The following MARCHF11 variants were observed in gnomAD, a reference collection of about 807,000 sequenced individuals.
The protein encoded by MARCHF11 is E3 ubiquitin-protein ligase MARCHF11.
A neutral mutation model predicts 37.3 loss-of-function variants in MARCHF11; 29 were observed. The ratio of observed to expected loss-of-function variants is 0.78; its 90% confidence interval spans 0.58 to 1.06. The LOEUF is 1.06. MARCHF11 is among the 50% of genes least tolerant of loss of function. The probability of loss-of-function intolerance (pLI) is 0.00; values close to 1 mark genes in which losing one functional copy is unlikely to be tolerated. For synonymous variants in MARCHF11, 233 were observed against 228.0 expected, an observed-to-expected ratio of 1.02 and a Z score of -0.20; for missense variants, 482 against 533.4, an observed-to-expected ratio of 0.90 and a Z score of 0.95.
At chr5:16,101,832 A>C (rs148743755) in intron 2 of MARCHF11, among the ~76,000 whole-genome samples, 8 of 152,334 alleles carry the variant, frequency 5.3e-5, no homozygotes, top group Non-Finnish European at 8.8e-5. Context: ...GAAATATTTC[A>C]GTTCATGTAG....
chr5:16,160,341 T>A (rs376996924), intron 2 of MARCHF11, among the ~76,000 whole-genome samples: 4,065 of 144,204 alleles, frequency 0.028, 82 homozygotes, highest in Middle Eastern at 0.073. Context: ...TTTAATATAT[T>A]AATTATATAT....
At chr5:16,107,643 A>T (rs1737065640) in intron 2 of MARCHF11, among the ~76,000 whole-genome samples, 1 of 152,096 alleles carries the variant, frequency 6.6e-6, no homozygotes, top group Non-Finnish European at 1.5e-5. Context: ...CTAAGTGACA[A>T]CAGGCATTCT....
At chr5:16,097,999 A>C (rs2126561484) in intron 2 of MARCHF11, among the ~76,000 whole-genome samples, 1 of 152,336 alleles carries the variant, frequency 6.6e-6, no homozygotes. Flanking sequence ...AGCATGAGTG[A>C]GTGAGGTTCA....
intron 2 of MARCHF11, 89 bp from the exon 3 acceptor site, chr5:16,091,170 A>G: frequency 1.9e-6 from 2 of 1,066,366 alleles, no homozygotes; most frequent in Non-Finnish European, 2.6e-6. Context: ...TTCTTTTCAT[A>G]ATGTTAGACC....
chr5:16,082,789 G>C (rs932988742), intron 3 of MARCHF11, among the ~76,000 whole-genome samples: 2 of 152,118 alleles, frequency 1.3e-5, no homozygotes, highest in African/African-American at 4.8e-5. Context: ...TTCTTCACGT[G>C]CCCCATGATT....
At chr5:16,125,840 C>T (rs1737396779) in intron 2 of MARCHF11, among the ~76,000 whole-genome samples, 1 of 152,162 alleles carries the variant, frequency 6.6e-6, no homozygotes, top group South Asian at 2.1e-4. Flanking sequence ...GTTAACTTGA[C>T]ACACACCAGT....
At chr5:16,098,939 A>C (rs183782942) in intron 2 of MARCHF11, among the ~76,000 whole-genome samples, 6 of 152,308 alleles carry the variant, frequency 3.9e-5, no homozygotes, top group African/African-American at 1.4e-4. Flanking sequence ...TTGTTAGATA[A>C]AATTCAAAAA....
chr5:16,079,591 T>C (rs575575079), intron 3 of MARCHF11, among the ~76,000 whole-genome samples: 1 of 152,334 alleles, frequency 6.6e-6, no homozygotes, highest in East Asian at 1.9e-4. Flanking sequence ...GTGGATCTTG[T>C]GGCCTTGCTC....
intron 2 of MARCHF11, among the ~76,000 whole-genome samples, chr5:16,128,155 AC>A (rs1210920165): frequency 9.2e-5 from 14 of 152,042 alleles, no homozygotes; most frequent in African/African-American, 3.4e-4. Context: ...GATGCAGGCT[AC>A]CTGTATTTTT....
At chr5:16,132,987 T>G (rs1034502452) in intron 2 of MARCHF11, among the ~76,000 whole-genome samples, 3 of 152,212 alleles carry the variant, frequency 2.0e-5, no homozygotes, top group African/African-American at 7.2e-5. Context: ...CTTCATGTAC[T>G]TAATCAGAGT....
intron 2 of MARCHF11, among the ~76,000 whole-genome samples, chr5:16,162,269 A>C (rs1230987189): frequency 6.6e-6 from 1 of 151,886 alleles, no homozygotes; most frequent in Non-Finnish European, 1.5e-5. Context: ...CCAACATCTC[A>C]CTAGAACATG....
intron 3 of MARCHF11, among the ~76,000 whole-genome samples, chr5:16,083,972 T>C (rs532096202): frequency 5.9e-5 from 9 of 152,328 alleles, no homozygotes; most frequent in East Asian, 1.9e-4. Context: ...TTGATTATCC[T>C]GAATTTCGTT....
chr5:16,076,793 G>T (rs1736525091), intron 3 of MARCHF11, among the ~76,000 whole-genome samples: 1 of 152,206 alleles, frequency 6.6e-6, no homozygotes, highest in Non-Finnish European at 1.5e-5. Context: ...CCAGACACAG[G>T]ATGCCCGTGT....
rs1456678007 is a variant in MARCHF11, at chr5:16,090,953, C to T, written c.822G>A (p.Gln274=). The change falls in exon 3 of 4, where the codon CAG becomes CAA. Residue 274 remains glutamine (Q), a synonymous_variant. Coordinates refer to ENST00000332432, the MANE Select transcript of MARCHF11 (RefSeq NM_001102562.3). ...WSAFSPYAVW[Q]RKDILFQICY... is the part of the protein sequence containing the mutation. The stretch of plus-strand genomic sequence containing the variant: ...AGATCTGAAAAAGGATGTCCTTCCT[C>T]TGCCACACTGCATAGGGGCTGAAGG... The T allele has an allele frequency of 6.2e-7, 1 of 1,611,946 alleles. No individual in the cohort carries two copies. Among genetic ancestry groups the T allele is most frequent in the South Asian group, 1.1e-5 (1 of 90,878 alleles).
At chr5:16,128,143 C>G (rs1481055367) in intron 2 of MARCHF11, among the ~76,000 whole-genome samples, 1 of 152,130 alleles carries the variant, frequency 6.6e-6, no homozygotes, top group African/African-American at 2.4e-5. Context: ...CCTATCAGGG[C>G]TGATGCAGGC....
chr5:16,155,238 T>C (rs2126600668), intron 2 of MARCHF11, among the ~76,000 whole-genome samples: 1 of 151,978 alleles, frequency 6.6e-6, no homozygotes, highest in Non-Finnish European at 1.5e-5. Context: ...GGAAAAGAAA[T>C]GCTATAAACA....
intron 3 of MARCHF11, among the ~76,000 whole-genome samples, chr5:16,070,885 A>G (rs1736424683): frequency 6.6e-6 from 1 of 152,142 alleles, no homozygotes; most frequent in Non-Finnish European, 1.5e-5. Flanking sequence ...GCAAGCTCAG[A>G]TTTTACTGAA....
At chr5:16,126,975 C>T (rs1019530572) in intron 2 of MARCHF11, among the ~76,000 whole-genome samples, 4 of 152,128 alleles carry the variant, frequency 2.6e-5, no homozygotes, top group African/African-American at 9.7e-5. Flanking sequence ...ATAAATCTAC[C>T]TGCTTACATC....
At chr5:16,077,991 G>T (rs1041918622) in intron 3 of MARCHF11, among the ~76,000 whole-genome samples, 1 of 152,118 alleles carries the variant, frequency 6.6e-6, no homozygotes, top group African/African-American at 2.4e-5. Context: ...ATTTAAAAAG[G>T]TATTTACTCC....
Sources: allele counts gnomAD v4.1 joint callset (sites outside exome capture counted in the v4.1 genomes callset), GRCh38; gene constraint gnomAD v4.1.1; transcripts MANE v1.5; gene names NCBI Gene and HGNC (gene_info 2026-07-23, HGNC 2026-07-21).